CBLB: variants seen among roughly 807,000 people sequenced by gnomAD.
CBLB encodes the protein E3 ubiquitin-protein ligase CBL-B.
Under a neutral mutation model 104.9 loss-of-function variants are expected in CBLB, and 31 were observed. The ratio of observed to expected loss-of-function variants is 0.30; its 90% CI spans 0.22 to 0.40. The LOEUF is 0.40. Ranked by LOEUF, CBLB falls within the 10% of genes least tolerant of loss-of-function variation. The pLI, the probability that CBLB is intolerant of heterozygous loss-of-function variation, is 1.00. For missense variants in CBLB, 1,062 were observed against 1,214.6 expected, an observed-to-expected ratio of 0.87 and a Z score of 1.87; for synonymous variants, 440 against 422.6, an observed-to-expected ratio of 1.04 and a Z score of -0.51.
chr3:105,738,711 T>G (rs2075212465), intron 7 of CBLB, among the ~76,000 whole-genome samples: 1 of 151,998 alleles, frequency 6.6e-6, no homozygotes, highest in African/African-American at 2.4e-5. Context: ...AAAGTATATT[T>G]TCTTAAAAAA....
At chr3:105,744,389 T>A (rs1049987987) in intron 6 of CBLB, among the ~76,000 whole-genome samples, 19 of 152,176 alleles carry the variant, frequency 1.2e-4, no homozygotes, top group African/African-American at 4.1e-4. Context: ...CATGAGAGAT[T>A]CTTGAATGAA....
intron 9 of CBLB, among the ~76,000 whole-genome samples, chr3:105,733,006 C>G (rs1275791051): frequency 6.6e-6 from 1 of 152,128 alleles, no homozygotes; most frequent in Non-Finnish European, 1.5e-5. Context: ...CCTCCAAATA[C>G]TCAAAACTGG....
intron 3 of CBLB, among the ~76,000 whole-genome samples, chr3:105,836,915 T>A (rs1159974708): frequency 6.7e-6 from 1 of 149,994 alleles, no homozygotes; most frequent in African/African-American, 2.5e-5. Flanking sequence ...ATATTCAAAA[T>A]ATCTCAGATG....
intron 10 of CBLB, among the ~76,000 whole-genome samples, chr3:105,709,500 A>AC (rs1436457621): frequency 6.6e-6 from 1 of 151,890 alleles, no homozygotes; most frequent in Non-Finnish European, 1.5e-5. Flanking sequence ...ACCTACATAT[A>AC]GCCATTGGTG....
chr3:105,725,051 G>A (rs1222497928), intron 9 of CBLB, among the ~76,000 whole-genome samples: 3 of 151,904 alleles, frequency 2.0e-5, no homozygotes, highest in Non-Finnish European at 2.9e-5. Flanking sequence ...AAAAATAGCC[G>A]GTTGCTACTA....
At chr3:105,844,609 T>C (rs1293512134) in intron 3 of CBLB, among the ~76,000 whole-genome samples, 2 of 152,222 alleles carry the variant, frequency 1.3e-5, no homozygotes, top group African/African-American at 4.8e-5. Context: ...CAAAAACTCA[T>C]GCTCAAACAA....
At chr3:105,766,849 T>C (rs1404043969) in intron 4 of CBLB, among the ~76,000 whole-genome samples, 1 of 152,236 alleles carries the variant, frequency 6.6e-6, no homozygotes, top group Non-Finnish European at 1.5e-5. Flanking sequence ...CATGTACTAG[T>C]AAATTAATTT....
chr3:105,693,660 C>T, intron 12 of CBLB, 72 bp from the exon 13 acceptor site: 1 of 957,624 alleles, frequency 1.0e-6, no homozygotes, highest in Non-Finnish European at 1.7e-6. Context: ...AGCTGCTCTA[C>T]CATTCTGAAG....
chr3:105,838,574 T>C (rs902262532), intron 3 of CBLB, among the ~76,000 whole-genome samples: 1 of 151,650 alleles, frequency 6.6e-6, no homozygotes, highest in Admixed American at 6.6e-5. Context: ...ATTCCAAGGA[T>C]AGTGATTAGG....
intron 9 of CBLB, among the ~76,000 whole-genome samples, chr3:105,732,802 T>C (rs1016638549): frequency 1.3e-5 from 2 of 152,096 alleles, no homozygotes; most frequent in Non-Finnish European, 2.9e-5. Context: ...AGATGCAGGG[T>C]TGGACAAAGA....
At chr3:105,845,969 C>CTTCTACATAAGAGATTGATTACT (rs2090190577) in intron 3 of CBLB, among the ~76,000 whole-genome samples, 1 of 152,074 alleles carries the variant, frequency 6.6e-6, no homozygotes, top group Non-Finnish European at 1.5e-5. Context: ...GGCAGACATA[C>CTTCTACATAAGAGATTGATTACT]TTCTACATAA....
At chr3:105,784,617 T>C (rs537043200) in intron 3 of CBLB, among the ~76,000 whole-genome samples, 2 of 152,318 alleles carry the variant, frequency 1.3e-5, no homozygotes, top group South Asian at 4.1e-4. Context: ...TTAATCCATA[T>C]TTATTGCTTC....
rs895819147 is a variant in CBLB, at chr3:105,776,486, G to T, written c.476C>A (p.Ala159Glu). 3 of 1,613,598 alleles carry T rather than the reference G, an allele frequency of 1.9e-6. No individual in the cohort carries two copies. The highest frequency in any genetic ancestry group is 2.5e-6 in the Non-Finnish European group (3 of 1,179,784). Residue 159 changes from alanine to glutamate, a missense_variant, in exon 4 of 19, where the codon GCA becomes GAA. Physicochemically the swap from Ala to Glu is moderately radical, Grantham distance 107. This residue lies in a region of CBLB where 457 missense variants were observed against 632.0 expected (regional missense o/e 0.72). Transcript: ENST00000394030. ...CTGGAATTGACCATTGGGAAAGATTGCTTTGATTTCTGCCAGCATGTGACT... is the reference window on the plus strand; with the variant it reads ...CTGGAATTGACCATTGGGAAAGATTTCTTTGATTTCTGCCAGCATGTGACT... ...IFSHMLAEIK[A>E]IFPNGQFQGD...
At chr3:105,759,609 C>T (rs532558533) in intron 4 of CBLB, among the ~76,000 whole-genome samples, 8 of 152,290 alleles carry the variant, frequency 5.3e-5, no homozygotes, top group Admixed American at 2.0e-4. Flanking sequence ...GGCATGTCAG[C>T]GCCACCCTGA....
chr3:105,708,334 TC>T (rs1478943500), intron 10 of CBLB, among the ~76,000 whole-genome samples: 1 of 152,078 alleles, frequency 6.6e-6, no homozygotes, highest in Non-Finnish European at 1.5e-5. Flanking sequence ...TGTCCACTGT[TC>T]CTCTTAATCA....
At chr3:105,803,850 A>T (rs1488588809) in intron 3 of CBLB, among the ~76,000 whole-genome samples, 4 of 152,196 alleles carry the variant, frequency 2.6e-5, no homozygotes, top group Admixed American at 2.0e-4. Flanking sequence ...TCAAAAATAC[A>T]TTGCTGACTT....
intron 9 of CBLB, among the ~76,000 whole-genome samples, chr3:105,732,459 A>G (rs2074417478): frequency 1.3e-5 from 2 of 152,206 alleles, no homozygotes; most frequent in African/African-American, 4.8e-5. Context: ...GGATATAAAG[A>G]AAAACGTAAA....
intron 4 of CBLB, among the ~76,000 whole-genome samples, chr3:105,774,228 C>T (rs2079198887): frequency 6.6e-6 from 1 of 151,986 alleles, no homozygotes; most frequent in African/African-American, 2.4e-5. Context: ...GGCATGCTCC[C>T]ACAGGAGAAC....
chr3:105,700,926 T>G (rs1199667315), intron 12 of CBLB, among the ~76,000 whole-genome samples: 1 of 152,222 alleles, frequency 6.6e-6, no homozygotes, highest in Non-Finnish European at 1.5e-5. Context: ...TCACCAACTT[T>G]AACCATTATA....
Sources: gnomAD v4.1 joint callset for allele counts (sites outside exome capture counted in the v4.1 genomes callset) on GRCh38, gnomAD v4.1.1 for gene constraint, gnomAD v4.1.1 regional missense constraint, MANE v1.5 for transcripts, NCBI Gene and HGNC (gene_info 2026-07-23, HGNC 2026-07-21) for gene names.